PLCB1: variants seen among roughly 807,000 people sequenced by gnomAD.
The protein encoded by PLCB1 is phospholipase C beta 1.
In PLCB1, 46 loss-of-function variants were observed where a neutral mutation model predicts 161.8. That is an observed-to-expected ratio of 0.28 (90% CI 0.22 to 0.36). PLCB1 has a LOEUF of 0.36. Among genes scored for constraint, PLCB1 ranks in the 10% least tolerant of loss-of-function variants. The probability of loss-of-function intolerance (pLI) is 1.00; values close to 1 mark genes in which losing one functional copy is unlikely to be tolerated. For synonymous variants in PLCB1, 517 were observed against 503.7 expected, an observed-to-expected ratio of 1.03 and a Z score of -0.35; for missense variants, 1,016 against 1,472.5, an observed-to-expected ratio of 0.69 and a Z score of 5.07.
intron 31 of PLCB1, among the ~76,000 whole-genome samples, chr20:8,878,559 G>A (rs1987858664): frequency 1.4e-5 from 2 of 144,412 alleles, no homozygotes; most frequent in East Asian, 3.9e-4. Context: ...CCAGGGCCCT[G>A]AGCGCCCCCT....
chr20:8,731,973 A>G (rs1055315916), intron 18 of PLCB1: 1 of 151,992 alleles, frequency 6.6e-6, no homozygotes, highest in Non-Finnish European at 1.5e-5. Context: ...TTTATTATGC[A>G]CATAGAGATG....
intron 31 of PLCB1, among the ~76,000 whole-genome samples, chr20:8,875,862 A>G (rs1987762457): frequency 6.6e-6 from 1 of 152,014 alleles, no homozygotes; most frequent in Non-Finnish European, 1.5e-5. Context: ...TCTGATTGTA[A>G]GCTAACCTTC....
chr20:8,442,297 C>T (rs999357155), intron 3 of PLCB1, among the ~76,000 whole-genome samples: 6 of 152,124 alleles, frequency 3.9e-5, no homozygotes, highest in Admixed American at 1.3e-4. Flanking sequence ...TTCAAGGGGC[C>T]GGCAGGTTTC....
At chr20:8,850,765 G>A (rs1797758435) in intron 31 of PLCB1, among the ~76,000 whole-genome samples, 2 of 152,152 alleles carry the variant, frequency 1.3e-5, no homozygotes, top group South Asian at 4.1e-4. Context: ...ATCTTCTGGT[G>A]CCATGGTCTT....
intron 3 of PLCB1, among the ~76,000 whole-genome samples, chr20:8,499,676 C>T (rs1213995226): frequency 3.3e-5 from 5 of 152,164 alleles, no homozygotes; most frequent in Admixed American, 3.3e-4. Flanking sequence ...ATATACTCAA[C>T]TCTGACATTT....
At chr20:8,220,588 C>G (rs903558058) in intron 2 of PLCB1, among the ~76,000 whole-genome samples, 2 of 152,152 alleles carry the variant, frequency 1.3e-5, no homozygotes, top group Non-Finnish European at 2.9e-5. Context: ...TGGGGTGATA[C>G]AGCTGCAAGC....
intron 2 of PLCB1, among the ~76,000 whole-genome samples, chr20:8,267,049 A>G (rs1468429644): frequency 4.0e-5 from 6 of 151,308 alleles, no homozygotes; most frequent in African/African-American, 7.3e-5. Flanking sequence ...AAAAAAAAAA[A>G]GGGAAAAAAA....
chr20:8,638,951 T>C (rs1022625670), intron 4 of PLCB1, among the ~76,000 whole-genome samples: 1 of 151,358 alleles, frequency 6.6e-6, no homozygotes, highest in Non-Finnish European at 1.5e-5. Flanking sequence ...ATTTTTAATT[T>C]GTGTTTTGTT....
At chr20:8,184,306 C>G (rs536493846) in intron 2 of PLCB1, among the ~76,000 whole-genome samples, 3 of 152,102 alleles carry the variant, frequency 2.0e-5, no homozygotes, top group African/African-American at 2.4e-5. Context: ...AGTGGCTGAA[C>G]TCTAGCAACA....
chr20:8,232,225 A>G (rs67183960), intron 2 of PLCB1, among the ~76,000 whole-genome samples: 2,551 of 148,448 alleles, frequency 0.017, 28 homozygotes, highest in Non-Finnish European at 0.026. Flanking sequence ...CTCTTTAAAA[A>G]AGAGAGAGAG....
At chr20:8,159,940 A>T (rs1263526028) in intron 2 of PLCB1, among the ~76,000 whole-genome samples, 1 of 143,212 alleles carries the variant, frequency 7.0e-6, no homozygotes, top group Admixed American at 7.5e-5. Flanking sequence ...GTGAGCCAAG[A>T]TCGTGCCATT....
At chr20:8,727,484 C>A in intron 17 of PLCB1, 91 bp downstream of exon 17, 1 of 731,666 alleles carries the variant, frequency 1.4e-6, no homozygotes, top group Non-Finnish European at 2.4e-6. Context: ...GAGAAAGATG[C>A]ATAAAATGGC....
intron 2 of PLCB1, among the ~76,000 whole-genome samples, chr20:8,231,445 C>G (rs1980030842): frequency 6.6e-6 from 1 of 152,174 alleles, no homozygotes; most frequent in South Asian, 2.1e-4. Context: ...AGAACCACTA[C>G]CTTAGACCTA....
chr20:8,406,348 C>T (rs1022170458), intron 3 of PLCB1, among the ~76,000 whole-genome samples: 6 of 152,006 alleles, frequency 3.9e-5, no homozygotes, highest in Non-Finnish European at 8.8e-5. Context: ...CAAGAATAAC[C>T]TTAAGGAAAA....
intron 31 of PLCB1, among the ~76,000 whole-genome samples, chr20:8,791,538 A>G (rs540651485): frequency 2.6e-4 from 39 of 152,136 alleles, no homozygotes; most frequent in Non-Finnish European, 3.1e-4. Flanking sequence ...ATTTGTCATT[A>G]CTTTGTACAC....
At chr20:8,574,419 T>C (rs563560248) in intron 3 of PLCB1, among the ~76,000 whole-genome samples, 2 of 152,226 alleles carry the variant, frequency 1.3e-5, no homozygotes, top group South Asian at 2.1e-4. Flanking sequence ...AAAAAAATGC[T>C]GTGTTTAAGA....
chr20:8,527,916 A>G (rs756663683), intron 3 of PLCB1, among the ~76,000 whole-genome samples: 61 of 152,146 alleles, frequency 4.0e-4, no homozygotes, highest in Admixed American at 8.5e-4. Flanking sequence ...ATATTCTGAT[A>G]GCAGAACTAT....
intron 3 of PLCB1, among the ~76,000 whole-genome samples, chr20:8,544,760 T>C (rs1391070958): frequency 6.6e-6 from 1 of 152,250 alleles, no homozygotes; most frequent in East Asian, 1.9e-4. Flanking sequence ...CTATTACATA[T>C]GCTGAAGTTT....
intron 2 of PLCB1, among the ~76,000 whole-genome samples, chr20:8,283,795 C>G (rs1238658621): frequency 6.6e-6 from 1 of 152,120 alleles, no homozygotes; most frequent in South Asian, 2.1e-4. Context: ...CAAATGGCCT[C>G]TTATTGTTTT....
Sources: allele counts gnomAD v4.1 joint callset (sites outside exome capture counted in the v4.1 genomes callset), GRCh38; gene constraint gnomAD v4.1.1; transcripts MANE v1.5; gene names NCBI Gene and HGNC (gene_info 2026-07-23, HGNC 2026-07-21).